UNC5C: variants seen among roughly 807,000 people sequenced by gnomAD.
The protein encoded by UNC5C is netrin receptor UNC5C.
A neutral mutation model predicts 99.8 loss-of-function variants in UNC5C; 47 were observed. The ratio of observed to expected loss-of-function variants is 0.47; its 90% confidence interval spans 0.37 to 0.60. The LOEUF (loss-of-function observed/expected upper bound fraction) is 0.60, where lower values mean the gene tolerates loss of function less well. UNC5C is among the 20% of genes least tolerant of loss of function. The pLI is 0.00. For synonymous variants in UNC5C, 487 were observed against 452.2 expected (o/e 1.08, Z -0.98); for missense variants, 1,062 against 1,165.9 (o/e 0.91, Z 1.30).
At chr4:95,417,463 T>C (rs1746200269) in intron 1 of UNC5C, among the ~76,000 whole-genome samples, 1 of 152,196 alleles carries the variant, frequency 6.6e-6, no homozygotes, top group South Asian at 2.1e-4. Context: ...AGGAAAAATC[T>C]TCCTGATGAC....
At chr4:95,464,998 C>A (rs994120102) in intron 1 of UNC5C, among the ~76,000 whole-genome samples, 1 of 152,044 alleles carries the variant, frequency 6.6e-6, no homozygotes, top group Non-Finnish European at 1.5e-5. Flanking sequence ...TCTTGTGGAG[C>A]TTTTCACAGA....
chr4:95,326,825 T>A (rs1170124814), intron 2 of UNC5C, among the ~76,000 whole-genome samples: 1 of 152,210 alleles, frequency 6.6e-6, no homozygotes, highest in African/African-American at 2.4e-5. Context: ...TTAAGTTTTA[T>A]TGTCTTGCAG....
chr4:95,378,399 CTA>C (rs1328782174), intron 1 of UNC5C, among the ~76,000 whole-genome samples: 2 of 151,548 alleles, frequency 1.3e-5, no homozygotes, highest in East Asian at 3.9e-4. Flanking sequence ...GCCTACGTAA[CTA>C]TCATAATTTT....
chr4:95,230,560 G>T (rs548121128), intron 7 of UNC5C, among the ~76,000 whole-genome samples: 1 of 152,124 alleles, frequency 6.6e-6, no homozygotes, highest in Non-Finnish European at 1.5e-5. Context: ...TTCTTCTAGG[G>T]TTTTTATGGT....
intron 1 of UNC5C, among the ~76,000 whole-genome samples, chr4:95,389,237 T>C (rs1745290178): frequency 6.6e-6 from 1 of 152,184 alleles, no homozygotes; most frequent in Admixed American, 6.5e-5. Flanking sequence ...TCAATTCCAG[T>C]ACTAACAATC....
intron 7 of UNC5C, among the ~76,000 whole-genome samples, chr4:95,222,952 A>G (rs1476785756): frequency 6.6e-6 from 1 of 152,218 alleles, no homozygotes; most frequent in Non-Finnish European, 1.5e-5. Context: ...AGAGGTTATA[A>G]GGGTATTTAT....
chr4:95,471,300 A>G (rs1578181505), intron 1 of UNC5C, among the ~76,000 whole-genome samples: 1 of 152,168 alleles, frequency 6.6e-6, no homozygotes, highest in African/African-American at 2.4e-5. Context: ...CATGGATTAT[A>G]TACTTCATGT....
chr4:95,407,022 A>G (rs1168502086), intron 1 of UNC5C, among the ~76,000 whole-genome samples: 1 of 152,184 alleles, frequency 6.6e-6, no homozygotes, highest in African/African-American at 2.4e-5. Flanking sequence ...ATTATACAAA[A>G]ATGATTGTAC....
In UNC5C at chr4:95,216,230, A is replaced by G. The variant is rs771793728; in HGVS notation, c.1646-19T>C. On this transcript the variant is annotated intron_variant, in intron 9 of 15. Coordinates refer to ENST00000453304, the MANE Select transcript of UNC5C (RefSeq NM_003728.4). ...CTGACTCCTGAATAGCAAAAGAGAA[A>G]AGCAGTCATTTAAGACTTTTGCAGC... 1.2e-6 allele frequency: 2 copies of G among 1,603,684 alleles called. No individual in the cohort carries two copies. The highest frequency in any genetic ancestry group is 2.2e-5 in the South Asian group (2 of 90,476).
At chr4:95,285,164 AGATTT>A (rs1394244004) in intron 3 of UNC5C, among the ~76,000 whole-genome samples, 1 of 152,220 alleles carries the variant, frequency 6.6e-6, no homozygotes, top group Non-Finnish European at 1.5e-5. Context: ...TTATGCAGAA[AGATTT>A]ATTTATTAGA....
At chr4:95,470,645 C>T (rs760385242) in intron 1 of UNC5C, among the ~76,000 whole-genome samples, 1 of 152,024 alleles carries the variant, frequency 6.6e-6, no homozygotes, top group Non-Finnish European at 1.5e-5. Context: ...AAAGTGCACA[C>T]TCAAAAGGCT....
chr4:95,326,983 T>C (rs1443238864), intron 2 of UNC5C, among the ~76,000 whole-genome samples: 1 of 152,228 alleles, frequency 6.6e-6, no homozygotes, highest in African/African-American at 2.4e-5. Flanking sequence ...GTTTGCAATG[T>C]CTTTTCTCTG....
intron 11 of UNC5C, among the ~76,000 whole-genome samples, chr4:95,206,066 T>C (rs192360174): frequency 2.0e-5 from 3 of 151,570 alleles, no homozygotes; most frequent in Admixed American, 2.0e-4. Context: ...AGTGGTGCGA[T>C]CTCAGCTCAC....
intron 4 of UNC5C, among the ~76,000 whole-genome samples, chr4:95,261,492 C>T (rs1269488264): frequency 6.6e-6 from 1 of 152,048 alleles, no homozygotes; most frequent in Non-Finnish European, 1.5e-5. Context: ...ATGTAAATGA[C>T]CTGGAGAAAT....
At chr4:95,522,331 G>A (rs190504866) in intron 1 of UNC5C, among the ~76,000 whole-genome samples, 3 of 152,190 alleles carry the variant, frequency 2.0e-5, no homozygotes, top group East Asian at 1.9e-4. Context: ...ATTTTAAAGT[G>A]CAATGCTAAT....
intron 12 of UNC5C, among the ~76,000 whole-genome samples, chr4:95,201,118 C>T (rs1737637518): frequency 6.6e-6 from 1 of 152,184 alleles, no homozygotes; most frequent in Non-Finnish European, 1.5e-5. Context: ...CACTGGAAGT[C>T]TGGGTTGGAA....
intron 1 of UNC5C, among the ~76,000 whole-genome samples, chr4:95,506,577 C>T (rs1241804943): frequency 6.6e-6 from 1 of 151,856 alleles, no homozygotes; most frequent in Non-Finnish European, 1.5e-5. Context: ...AAAAAGTCGT[C>T]ATGTTGAGTA....
At chr4:95,354,912 CT>C (rs1226393633) in intron 1 of UNC5C, among the ~76,000 whole-genome samples, 1 of 152,118 alleles carries the variant, frequency 6.6e-6, no homozygotes, top group Non-Finnish European at 1.5e-5. Context: ...CTAACACTAC[CT>C]TTTATAATTA....
intron 1 of UNC5C, among the ~76,000 whole-genome samples, chr4:95,464,397 C>T (rs1028467863): frequency 3.3e-5 from 5 of 152,178 alleles, no homozygotes; most frequent in South Asian, 4.1e-4. Context: ...TTGAGAACAG[C>T]GTCATTAAGA....
Sources: gnomAD v4.1 joint callset for allele counts (sites outside exome capture counted in the v4.1 genomes callset) on GRCh38, gnomAD v4.1.1 for gene constraint, MANE v1.5 for transcripts, NCBI Gene and HGNC (gene_info 2026-07-23, HGNC 2026-07-21) for gene names.